KDM5A: variants seen among roughly 807,000 people sequenced by gnomAD.
The protein encoded by KDM5A is lysine demethylase 5A.
KDM5A carries 42 observed loss-of-function variants against 193.5 expected under a neutral mutation model. The ratio of observed to expected loss-of-function variants is 0.22; its 90% confidence interval spans 0.17 to 0.28. The LOEUF (loss-of-function observed/expected upper bound fraction) is 0.28. KDM5A is among the 10% of genes least tolerant of loss of function. The pLI, the probability that KDM5A is intolerant of heterozygous loss-of-function variation, is 1.00. For synonymous variants in KDM5A, 796 were observed against 718.1 expected, an observed-to-expected ratio of 1.11 and a Z score of -1.73; for missense variants, 1,692 against 2,055.1, an observed-to-expected ratio of 0.82 and a Z score of 3.42.
chr12:313,024 TG>T, intron 20 of KDM5A, 31 bp downstream of exon 20: 1 of 1,609,370 alleles, frequency 6.2e-7, no homozygotes, highest in Non-Finnish European at 8.5e-7. Flanking sequence ...AGGCATTACC[TG>T]ATAGGTGGGA....
chr12:380,031 G>C (rs1289288898), intron 3 of KDM5A, among the ~76,000 whole-genome samples: 1 of 152,080 alleles, frequency 6.6e-6, no homozygotes, highest in African/African-American at 2.4e-5. Context: ...CATTTTGGGA[G>C]GCCAAGATGG....
At chr12:315,394 C>A (rs946097904) in intron 19 of KDM5A, among the ~76,000 whole-genome samples, 1 of 152,008 alleles carries the variant, frequency 6.6e-6, no homozygotes, top group Non-Finnish European at 1.5e-5. Flanking sequence ...GCCAACATGG[C>A]GAAACCCCAT....
At chr12:378,834 C>T (rs1944540247) in intron 3 of KDM5A, among the ~76,000 whole-genome samples, 2 of 151,982 alleles carry the variant, frequency 1.3e-5, no homozygotes, top group South Asian at 4.2e-4. Context: ...TGGTGGGCGC[C>T]TGTAGTCCCA....
chr12:382,403 C>T (rs912804269), intron 3 of KDM5A, among the ~76,000 whole-genome samples: 5 of 150,618 alleles, frequency 3.3e-5, no homozygotes, highest in African/African-American at 1.2e-4. Flanking sequence ...GTGGAGGCTG[C>T]AGTGAGCCGA....
intron 17 of KDM5A, chr12:322,171 G>C: frequency 1.9e-6 from 1 of 517,888 alleles, no homozygotes; most frequent in Non-Finnish European, 3.5e-6. Context: ...AGTAAAGAGA[G>C]CATGAAGTCC....
chr12:357,662 T>C (rs941875080), intron 5 of KDM5A, among the ~76,000 whole-genome samples: 1 of 151,244 alleles, frequency 6.6e-6, no homozygotes, highest in Non-Finnish European at 1.5e-5. Context: ...ACCCCGTCTC[T>C]ACTAAAAATA....
chr12:295,501 A>G, intron 26 of KDM5A, 72 bp downstream of exon 26: 1 of 1,428,492 alleles, frequency 7.0e-7, no homozygotes, highest in South Asian at 1.1e-5. Flanking sequence ...CTTTGCCAAC[A>G]TTTATGATAC....
chr12:280,120 G>C lies in KDM5A; in HGVS notation c.*5336C>G, dbSNP rs182763308. 237 of 229,490 alleles carry C rather than the reference G, an allele frequency of 1.0e-3. 1 individual carries two copies. Among genetic ancestry groups the C allele is most frequent in the Non-Finnish European group, 1.7e-3 (199 of 115,720 alleles). 14.2% of individuals were successfully genotyped at this position (229,490 alleles called of 1,614,324 possible). On this transcript the variant is annotated 3_prime_UTR_variant, in exon 28 of 28. Coordinates refer to ENST00000399788, the MANE Select transcript of KDM5A (RefSeq NM_001042603.3). ...AATACACTTTACAGAACATACAAGT[G>C]AGAAGGGGTGAAGAGAGTGAAATTC...
At chr12:292,658 TC>T in intron 27 of KDM5A, 100 bp downstream of exon 27, 1 of 1,481,614 alleles carries the variant, frequency 6.7e-7, no homozygotes. Context: ...GAAGTCCAAA[TC>T]CTAGAACCAA....
At chr12:292,031 T>C (rs983337870) in intron 27 of KDM5A, among the ~76,000 whole-genome samples, 11 of 151,814 alleles carry the variant, frequency 7.2e-5, no homozygotes, top group Non-Finnish European at 1.3e-4. Context: ...ACCTCCCAAG[T>C]AGCTGAGATT....
chr12:355,228 T>G lies in KDM5A; in HGVS notation c.800A>C (p.Lys267Thr). Residue 267 changes from lysine to threonine, a missense_variant, in exon 7 of 28, where the codon AAA (lysine) becomes ACA (threonine). This residue lies in a region of KDM5A where 134 missense variants were observed against 124.2 expected (regional missense o/e 1.08). Coordinates refer to ENST00000399788, the MANE Select transcript of KDM5A (RefSeq NM_001042603.3). ...AAATGCGTCTGACCTGTTGGTAACTTTTCGTCTTCGGGTGACCTCATCTTG... is the reference window on the plus strand; with the variant it reads ...AAATGCGTCTGACCTGTTGGTAACTGTTCGTCTTCGGGTGACCTCATCTTG... Reference protein sequence around the residue: ...DKEDEVTRRRKVTNRSDAFNM... With the variant: ...DKEDEVTRRRTVTNRSDAFNM... The G allele has an allele frequency of 6.2e-7, 1 of 1,611,824 alleles. No homozygotes were observed. The highest frequency in any genetic ancestry group is 8.5e-7 in the Non-Finnish European group (1 of 1,177,882).
rs1207507364 is a variant in KDM5A, at chr12:313,092, C to T, written c.3000G>A (p.Lys1000=). The stretch of plus-strand genomic sequence containing the variant: ...CCACTTTAGCGGTCCATTCTCGAGC[C>T]TTTTGTAAGGCTTCTTTCAAGGACA... ...NVLSLKEALQ[K]AREWTAKVEA... The change falls in exon 20 of 28, where the codon AAG becomes AAA. Residue 1000 remains lysine, a synonymous_variant. Transcript: ENST00000399788. 4 of 1,614,030 alleles carry T rather than the reference C, an allele frequency of 2.5e-6. No individual in the cohort carries two copies. The highest frequency in any genetic ancestry group is 3.3e-5 in the Admixed American group (2 of 60,002).
Position 307,461 on chromosome 12 carries a change from T to G in KDM5A, c.3923A>C (p.Asp1308Ala). 6.2e-7 allele frequency: 1 copy of G among 1,612,900 alleles called. No homozygotes were observed. The highest frequency in any genetic ancestry group is 8.5e-7 in the Non-Finnish European group (1 of 1,179,960). The change falls in exon 23 of 28, where the codon GAC becomes GCC. Residue 1308 changes from aspartate to alanine, a missense_variant. Physicochemically the swap from Asp to Ala is moderately radical, Grantham distance 126. This residue lies in a region of KDM5A where 965 missense variants were observed against 1,061.0 expected (regional missense o/e 0.91). Transcript: ENST00000399788. The surrounding 1 kb of genome is among the most constrained non-coding windows in gnomAD (Gnocchi z 4.3). ...AELQKAAANP[D>A]LQGHLPSFQQ... The stretch of plus-strand genomic sequence containing the variant: ...TGTAAATCCTAAACTTGCCTGTAAG[T>G]CTGGATTGGCAGCTGCTTTTTGGAG...
intron 10 of KDM5A, 104 bp downstream of exon 10, chr12:350,517 T>C (rs576038322): frequency 6.3e-4 from 685 of 1,094,178 alleles, no homozygotes; most frequent in Non-Finnish European, 8.1e-4. Context: ...TACTGCCAAA[T>C]CCTACGTATT....
Position 366,118 on chromosome 12 carries a change from A to G in KDM5A, c.367-14T>C, listed in dbSNP as rs1312454446. ...GCTGGCAACAATCTGAAAAGAAAGTAAAAGTTGCTTAGAGAAAAAAGGCAA... is the reference window on the plus strand; with the variant it reads ...GCTGGCAACAATCTGAAAAGAAAGTGAAAGTTGCTTAGAGAAAAAAGGCAA... On this transcript the variant is annotated splice_polypyrimidine_tract_variant and intron_variant, in intron 3 of 27. Coordinates refer to ENST00000399788, the MANE Select transcript of KDM5A (RefSeq NM_001042603.3). 24 of 1,613,490 alleles carry G rather than the reference A, an allele frequency of 1.5e-5. No homozygotes were observed. The highest frequency in any genetic ancestry group is 2.0e-5 in the Non-Finnish European group (24 of 1,179,674).
At chr12:297,348 A>T in intron 24 of KDM5A, 148 bp from the exon 25 acceptor site, 1 of 765,972 alleles carries the variant, frequency 1.3e-6, no homozygotes, top group Non-Finnish European at 2.1e-6. Flanking sequence ...AATAAGATAG[A>T]AAATGTCCAT....
At chr12:356,588 T>C (rs1944232340) in intron 5 of KDM5A, 51 bp from the exon 6 acceptor site, 1 of 1,167,822 alleles carries the variant, frequency 8.6e-7, no homozygotes, top group Non-Finnish European at 1.3e-6. Flanking sequence ...ATTCATGCAT[T>C]AATTTTTTTA....
intron 1 of KDM5A, chr12:388,253 T>A (rs1013443929): frequency 1.1e-5 from 5 of 455,712 alleles, no homozygotes; most frequent in Admixed American, 2.4e-5. Context: ...AGATTATAAT[T>A]AACCTTATAG....
intron 3 of KDM5A, among the ~76,000 whole-genome samples, chr12:373,021 G>A (rs566322215): frequency 2.6e-5 from 4 of 152,174 alleles, no homozygotes; most frequent in Admixed American, 6.5e-5. Context: ...TTTTCGCATC[G>A]ATGTTCATCA....
Sources: gnomAD v4.1 joint callset for allele counts (sites outside exome capture counted in the v4.1 genomes callset) on GRCh38, gnomAD v4.1.1 for gene constraint, gnomAD v4.1.1 regional missense constraint, Gnocchi (gnomAD v3.1) non-coding constraint, MANE v1.5 for transcripts, NCBI Gene and HGNC (gene_info 2026-07-23, HGNC 2026-07-21) for gene names.